RIMBP2: variants seen among roughly 807,000 people sequenced by gnomAD.
RIMBP2 encodes RIMS-binding protein 2.
In RIMBP2, 48 loss-of-function variants were observed where a neutral mutation model predicts 118.6. That is an observed-to-expected ratio of 0.40 (90% confidence interval 0.32 to 0.51). RIMBP2 has a LOEUF of 0.51. RIMBP2 is among the 20% of genes least tolerant of loss of function. The pLI is 0.41. For synonymous variants in RIMBP2, 762 were observed against 742.9 expected (o/e 1.03, Z -0.42); for missense variants, 1,551 against 1,768.3 (o/e 0.88, Z 2.20).
chr12:130,690,328 G>C (rs1485734808), intron 1 of RIMBP2, among the ~76,000 whole-genome samples: 1 of 152,170 alleles, frequency 6.6e-6, no homozygotes, highest in Non-Finnish European at 1.5e-5. Flanking sequence ...GAATCTTGCT[G>C]GGCACTGCTA....
chr12:130,659,088 T>C (rs1214148284), intron 1 of RIMBP2, among the ~76,000 whole-genome samples: 1 of 152,116 alleles, frequency 6.6e-6, no homozygotes, highest in Non-Finnish European at 1.5e-5. Context: ...GATCTGTATA[T>C]GACAAGGTCA....
intron 4 of RIMBP2, among the ~76,000 whole-genome samples, chr12:130,483,650 C>T (rs1396638664): frequency 6.7e-6 from 1 of 150,094 alleles, no homozygotes; most frequent in Non-Finnish European, 1.5e-5. Flanking sequence ...CTCACCTACA[C>T]ACAGTGCCCA....
chr12:130,502,583 G>A (rs538254002), intron 4 of RIMBP2, among the ~76,000 whole-genome samples: 1 of 152,168 alleles, frequency 6.6e-6, no homozygotes, highest in East Asian at 1.9e-4. Flanking sequence ...GTAGGTCTAG[G>A]GAAGCCTCCT....
rs2065192901 is a variant in RIMBP2 at position 130,688,956 on chromosome 12, G to T, written c.-352+27266C>A. 6.6e-6 allele frequency among the ~76,000 whole-genome samples: 1 copy of T among 152,278 alleles called. No individual in the cohort carries two copies. The highest frequency in any genetic ancestry group is 2.1e-4 in the South Asian group (1 of 4,836). ...GTCGCAGGCAGCAGAGAACTGCCCA[G>T]TGTGCGCCGATATCCTCTGTCCCTT... On this transcript the variant is annotated intron_variant, in intron 1 of 22. Transcript: ENST00000690449. The surrounding 1 kb of genome is among the most constrained non-coding windows in gnomAD (Gnocchi z 4.7).
chr12:130,690,049 C>T (rs1002444621), intron 1 of RIMBP2, among the ~76,000 whole-genome samples: 1 of 152,174 alleles, frequency 6.6e-6, no homozygotes, highest in African/African-American at 2.4e-5. Context: ...GCTGCCAGGG[C>T]CTCTCAGCAA....
chr12:130,613,916 C>CA (rs2140662197), intron 2 of RIMBP2, among the ~76,000 whole-genome samples: 1 of 151,700 alleles, frequency 6.6e-6, no homozygotes, highest in African/African-American at 2.4e-5. Flanking sequence ...GAAGGTGCAA[C>CA]AGCCACCATA....
At chr12:130,445,483 G>A (rs1032204076) in intron 9 of RIMBP2, among the ~76,000 whole-genome samples, 2 of 152,124 alleles carry the variant, frequency 1.3e-5, no homozygotes, top group Non-Finnish European at 2.9e-5. Context: ...AATGCAATTC[G>A]GAAATGAAGT....
At chr12:130,435,794 C>T (rs902760153) in intron 13 of RIMBP2, among the ~76,000 whole-genome samples, 7 of 152,240 alleles carry the variant, frequency 4.6e-5, no homozygotes, top group African/African-American at 9.6e-5. Context: ...GAGGTGCTGC[C>T]GGGGCAGCCC....
chr12:130,569,484 C>T (rs892326124), intron 2 of RIMBP2, among the ~76,000 whole-genome samples: 1 of 152,212 alleles, frequency 6.6e-6, no homozygotes, highest in African/African-American at 2.4e-5. Flanking sequence ...GGAACAAATA[C>T]CTGTCTACAT....
chr12:130,475,648 C>T lies in RIMBP2; in HGVS notation c.102+3264G>A, dbSNP rs564300367. Among the ~76,000 whole-genome samples the T allele has an allele frequency of 2.0e-5, 3 of 151,950 alleles. No individual in the cohort carries two copies. The highest frequency in any genetic ancestry group is 4.4e-5 in the Non-Finnish European group (3 of 68,006). ...CCAAGGGGAAAATGGAATCAGAAGC[C>T]CCCCAGAGGACTGAGACTCTCTTGA... is the stretch of plus-strand genomic sequence containing the variant. On this transcript the variant is annotated intron_variant, in intron 5 of 22. Transcript: ENST00000690449. This position sits in a 1 kb window ranked among gnomAD's most constrained non-coding sequence, Gnocchi z 4.1.
chr12:130,451,583 C>G (rs115307553), intron 7 of RIMBP2, among the ~76,000 whole-genome samples: 11 of 152,224 alleles, frequency 7.2e-5, no homozygotes, highest in African/African-American at 2.4e-4. Context: ...GGGCTCAGGA[C>G]GAGGATGGTC....
Position 130,434,812 on chromosome 12 carries a change from G to T in RIMBP2, c.2175C>A (p.Asp725Glu). 1.9e-6 allele frequency: 3 copies of T among 1,613,790 alleles called. No individual in the cohort carries two copies. ...AGQYAASDEE[D>E]AYDSPDFKRR... ...TCTTGAAGTCTGGAGAGTCATAGGC[G>T]TCCTCCTCGTCTGAGGCGGCGTACT... is the stretch of plus-strand genomic sequence containing the variant. The change falls in exon 14 of 23, where the codon GAC (aspartate) becomes GAA (glutamate). Residue 725 changes from aspartate (D) to glutamate (E), a missense_variant. This residue lies in a region of RIMBP2 where 1,038 missense variants were observed against 1,125.1 expected (regional missense o/e 0.92). Transcript: ENST00000690449. This position sits in a 1 kb window ranked among gnomAD's most constrained non-coding sequence, Gnocchi z 5.7.
intron 17 of RIMBP2, chr12:130,414,631 GC>G (rs1332653992): frequency 4.4e-6 from 1 of 225,968 alleles, no homozygotes; most frequent in African/African-American, 2.3e-5. Flanking sequence ...ATGCTGGGGA[GC>G]CTTCCCAGGA....
chr12:130,540,278 A>C (rs867024462), intron 2 of RIMBP2, among the ~76,000 whole-genome samples: 4 of 152,178 alleles, frequency 2.6e-5, no homozygotes, highest in Non-Finnish European at 1.5e-5. Flanking sequence ...TGAGAAGGGC[A>C]CTGGGCAGAC....
intron 11 of RIMBP2, 31 bp downstream of exon 11, chr12:130,441,817 T>A (rs577663743): frequency 6.3e-7 from 1 of 1,596,384 alleles, no homozygotes; most frequent in East Asian, 2.2e-5. Flanking sequence ...GTTCTCTCCC[T>A]GGGGGACCCA....
intron 2 of RIMBP2, among the ~76,000 whole-genome samples, chr12:130,571,943 C>A (rs1366320998): frequency 6.6e-6 from 1 of 152,214 alleles, no homozygotes; most frequent in Non-Finnish European, 1.5e-5. Flanking sequence ...TGAGCACCGT[C>A]CCTGGCTGCA....
chr12:130,542,868 T>C (rs542484495), intron 2 of RIMBP2, among the ~76,000 whole-genome samples: 1 of 152,336 alleles, frequency 6.6e-6, no homozygotes, highest in African/African-American at 2.4e-5. Flanking sequence ...CTTTAAAAAA[T>C]AGAAAGTCAT....
At position 130,688,271 on chromosome 12, in the gene RIMBP2, G is replaced by A. The variant is rs965234562; in HGVS notation, c.-352+27951C>T. 5.3e-5 allele frequency among the ~76,000 whole-genome samples: 8 copies of A among 152,048 alleles called. No individual in the cohort carries two copies. Among genetic ancestry groups the A allele is most frequent in the South Asian group, 2.1e-4 (1 of 4,808 alleles). On this transcript the variant is annotated intron_variant, in intron 1 of 22. Coordinates refer to ENST00000690449, the MANE Select transcript of RIMBP2 (RefSeq NM_001393629.1). This position sits in a 1 kb window ranked among gnomAD's most constrained non-coding sequence, Gnocchi z 4.7. The stretch of plus-strand genomic sequence containing the variant: ...GCCCAGCTCTGCACCATGGGCACCC[G>A]GCAGACCCTCCTGCTGTTTCTGAAC...
chr12:130,465,132 G>C (rs2080339902), intron 6 of RIMBP2: 1 of 152,256 alleles, frequency 6.6e-6, no homozygotes, highest in African/African-American at 2.4e-5. Context: ...CTGCAGGCCT[G>C]AGGCCAGACG....
Sources: allele counts gnomAD v4.1 joint callset (sites outside exome capture counted in the v4.1 genomes callset), GRCh38; gene constraint gnomAD v4.1.1; regional missense constraint gnomAD v4.1.1; non-coding constraint Gnocchi (gnomAD v3.1); transcripts MANE v1.5; gene names NCBI Gene and HGNC (gene_info 2026-07-23, HGNC 2026-07-21).